Variants in BLTP3A observed in about 807,000 individuals in gnomAD.
BLTP3A encodes ICBP90 binding protein 1.
At chr6:34,836,354 C>G in the BLTP3A span, 1 of 1,613,130 alleles carries the variant, frequency 6.2e-7, no homozygotes, top group Non-Finnish European at 8.5e-7. Context: ...GCCAGGTACC[C>G]CATGAGGCCT....
At chr6:34,825,828 C>A in the BLTP3A span, among the ~76,000 whole-genome samples, 2 of 152,042 alleles carry the variant, frequency 1.3e-5, no homozygotes, top group African/African-American at 4.8e-5. Flanking sequence ...AGTTGATGGT[C>A]ATTTTATTTC....
the BLTP3A span, chr6:34,834,858 A>C: frequency 6.2e-7 from 1 of 1,613,342 alleles, no homozygotes; most frequent in South Asian, 1.1e-5. Context: ...CCCTCAAAAG[A>C]AGAGTAAGTG....
At chr6:34,841,019 A>G in the BLTP3A span, among the ~76,000 whole-genome samples, 1 of 152,172 alleles carries the variant, frequency 6.6e-6, no homozygotes, top group East Asian at 1.9e-4. Context: ...TTTGTTTTAC[A>G]GTAGAGGCTC....
chr6:34,848,026 C>T, the BLTP3A span, among the ~76,000 whole-genome samples: 1 of 145,838 alleles, frequency 6.9e-6, no homozygotes, highest in Non-Finnish European at 1.5e-5. Context: ...CTCAGATGAT[C>T]CTCCAACCTC....
the BLTP3A span, chr6:34,856,109 C>T: frequency 4.6e-6 from 6 of 1,294,250 alleles, no homozygotes; most frequent in South Asian, 1.5e-5. Flanking sequence ...ATAATTTTTC[C>T]TTATCCTAGA....
chr6:34,804,679 A>G, the BLTP3A span, among the ~76,000 whole-genome samples: 2 of 152,204 alleles, frequency 1.3e-5, no homozygotes, highest in Admixed American at 6.5e-5. Flanking sequence ...GGCCTTTTGT[A>G]CTATACCAAG....
At chr6:34,859,299 C>T in the BLTP3A span, 1 of 1,613,794 alleles carries the variant, frequency 6.2e-7, no homozygotes, top group Non-Finnish European at 8.5e-7. Flanking sequence ...AGAAACTGAG[C>T]AGAACCCAAG....
At chr6:34,806,234 T>C in the BLTP3A span, among the ~76,000 whole-genome samples, 1 of 152,258 alleles carries the variant, frequency 6.6e-6, no homozygotes, top group African/African-American at 2.4e-5. Flanking sequence ...TGACGTAGAC[T>C]AAATGTCCCA....
At chr6:34,858,006 T>C in the BLTP3A span, 1 of 1,559,362 alleles carries the variant, frequency 6.4e-7, no homozygotes, top group Non-Finnish European at 8.7e-7. Flanking sequence ...CTCTGTCCAT[T>C]TTGTGGAAGT....
chr6:34,866,426 A>G, the BLTP3A span, among the ~76,000 whole-genome samples: 2 of 152,000 alleles, frequency 1.3e-5, no homozygotes, highest in East Asian at 1.9e-4. Context: ...AAAAAAAAAG[A>G]ACTCGTGGCC....
the BLTP3A span, among the ~76,000 whole-genome samples, chr6:34,842,746 A>C: frequency 6.6e-6 from 1 of 152,280 alleles, no homozygotes; most frequent in East Asian, 1.9e-4. Flanking sequence ...CAGTGAGTTC[A>C]TGGAAGATAC....
the BLTP3A span, among the ~76,000 whole-genome samples, chr6:34,795,900 G>T: frequency 2.0e-5 from 3 of 152,160 alleles, no homozygotes; most frequent in African/African-American, 7.2e-5. Context: ...CCAGGAAGAG[G>T]TGGTAAATTA....
the BLTP3A span, among the ~76,000 whole-genome samples, chr6:34,839,683 T>A: frequency 6.6e-6 from 1 of 152,226 alleles, no homozygotes; most frequent in Non-Finnish European, 1.5e-5. Context: ...TGAAATGTAC[T>A]TTTATTTAGC....
At chr6:34,850,378 A>C in the BLTP3A span, among the ~76,000 whole-genome samples, 3 of 152,042 alleles carry the variant, frequency 2.0e-5, no homozygotes, top group Non-Finnish European at 4.4e-5. Flanking sequence ...ATCTTCTTGT[A>C]CTTGGATATT....
chr6:34,805,262 CAG>C, the BLTP3A span, among the ~76,000 whole-genome samples: 1 of 151,512 alleles, frequency 6.6e-6, no homozygotes, highest in African/African-American at 2.4e-5. Flanking sequence ...GCCTGGGCGA[CAG>C]AGTGAGATCA....
the BLTP3A span, among the ~76,000 whole-genome samples, chr6:34,850,015 T>C: frequency 2.6e-5 from 4 of 151,942 alleles, no homozygotes; most frequent in Non-Finnish European, 4.4e-5. Context: ...TGGTGGTGCA[T>C]TCCTGTAATC....
the BLTP3A span, chr6:34,834,192 T>G: frequency 6.2e-7 from 1 of 1,608,994 alleles, no homozygotes; most frequent in Non-Finnish European, 8.5e-7. Flanking sequence ...TAATTCTGAT[T>G]GTTGGTCTAC....
At chr6:34,838,914 G>A in the BLTP3A span, among the ~76,000 whole-genome samples, 110 of 152,190 alleles carry the variant, frequency 7.2e-4, no homozygotes, top group African/African-American at 2.6e-3. Context: ...ATGGGTGACA[G>A]AGCGAGACCC....
At chr6:34,873,926 GA>G in the BLTP3A span, 89 of 149,084 alleles carry the variant, frequency 6.0e-4, 1 homozygote, top group African/African-American at 1.2e-3. Flanking sequence ...CATTTGACTA[GA>G]AAAAAAAAAT....
Sources: gnomAD v4.1 joint callset for allele counts (sites outside exome capture counted in the v4.1 genomes callset) on GRCh38, gnomAD v4.1.1 for gene constraint, MANE v1.5 for transcripts, NCBI Gene and HGNC (gene_info 2026-07-23, HGNC 2026-07-21) for gene names.